MPPED2: variants seen among roughly 807,000 people sequenced by gnomAD.
The protein encoded by MPPED2 is metallophosphoesterase domain containing 2.
MPPED2 carries 5 observed loss-of-function variants against 33.0 expected under a neutral mutation model. That is an observed-to-expected ratio of 0.15 (90% CI 0.08 to 0.32). The LOEUF (loss-of-function observed/expected upper bound fraction) is 0.32, where lower values mean the gene tolerates loss of function less well. Among genes scored for constraint, MPPED2 ranks in the 10% least tolerant of loss-of-function variants. The pLI is 1.00. For synonymous variants in MPPED2, 136 were observed against 141.9 expected (o/e 0.96, Z 0.29); for missense variants, 275 against 372.1 (o/e 0.74, Z 2.15).
At chr11:30,515,938 T>C (rs1276709585) in intron 3 of MPPED2, among the ~76,000 whole-genome samples, 1 of 152,180 alleles carries the variant, frequency 6.6e-6, no homozygotes, top group Non-Finnish European at 1.5e-5. Context: ...AGGCATACAT[T>C]TCCACCACAG....
intron 1 of MPPED2, among the ~76,000 whole-genome samples, chr11:30,581,318 T>A (rs567700423): frequency 7.9e-5 from 12 of 152,372 alleles, no homozygotes; most frequent in African/African-American, 2.6e-4. Context: ...TTTCATTTTT[T>A]AAAATTTCCA....
chr11:30,581,839 T>C (rs151234814), intron 1 of MPPED2, among the ~76,000 whole-genome samples: 1 of 152,180 alleles, frequency 6.6e-6, no homozygotes, highest in African/African-American at 2.4e-5. Flanking sequence ...GCCTTCCTAA[T>C]GTCAAGTGCA....
At chr11:30,575,809 T>C (rs1173555515) in intron 2 of MPPED2, among the ~76,000 whole-genome samples, 1 of 152,048 alleles carries the variant, frequency 6.6e-6, no homozygotes, top group Non-Finnish European at 1.5e-5. Flanking sequence ...TAACTGGAGG[T>C]GGATGAGACA....
intron 2 of MPPED2, among the ~76,000 whole-genome samples, chr11:30,556,978 T>TA (rs533495777): frequency 1.3e-4 from 19 of 150,852 alleles, no homozygotes; most frequent in Admixed American, 2.6e-4. Context: ...ATCATCAGAA[T>TA]AAAAAAAAAT....
intron 3 of MPPED2, among the ~76,000 whole-genome samples, chr11:30,526,365 G>A (rs943011041): frequency 2.0e-5 from 3 of 152,026 alleles, no homozygotes; most frequent in African/African-American, 7.2e-5. Context: ...GACCCTAAGT[G>A]GATTTCTTGA....
intron 3 of MPPED2, among the ~76,000 whole-genome samples, chr11:30,498,305 C>G (rs971460875): frequency 1.3e-5 from 2 of 152,044 alleles, no homozygotes; most frequent in African/African-American, 2.4e-5. Flanking sequence ...ACTCTACCAG[C>G]CGGGCACGGT....
Position 30,404,446 on chromosome 11 carries a change from G to A in MPPED2, c.766+9782C>T, listed in dbSNP as rs113890808. On this transcript the variant is annotated intron_variant, in intron 6 of 6. Transcript: ENST00000448418. ...GTAAATTAAAAAACAAACCAGCTAC[G>A]TGACACACTTGGAATTGCCACTGGC... Among the ~76,000 whole-genome samples the A allele has an allele frequency of 8.8e-3, 1,346 of 152,266 alleles. 25 individuals carry two copies. The highest frequency in any genetic ancestry group is 0.029 in the African/African-American group (1,194 of 41,552).
At chr11:30,497,402 C>T (rs1231174778) in intron 3 of MPPED2, among the ~76,000 whole-genome samples, 2 of 152,120 alleles carry the variant, frequency 1.3e-5, no homozygotes, top group Non-Finnish European at 2.9e-5. Flanking sequence ...CTCCCAAAGC[C>T]GGAACAGGCT....
At chr11:30,495,004 A>G (rs903624208) in intron 4 of MPPED2, 2 of 340,486 alleles carry the variant, frequency 5.9e-6, no homozygotes, top group Non-Finnish European at 1.1e-5. Context: ...GCATGATGGA[A>G]TTTTATCAGT....
At chr11:30,410,114 C>T, downstream of MPPED2, 1 of 985,222 alleles carries the variant, frequency 1.0e-6, no homozygotes, top group Non-Finnish European at 1.2e-6. Flanking sequence ...AAAAAAATCA[C>T]TTATTCTAAT....
At chr11:30,583,730 C>T (rs1293489491) in intron 1 of MPPED2, among the ~76,000 whole-genome samples, 1 of 152,056 alleles carries the variant, frequency 6.6e-6, no homozygotes, top group African/African-American at 2.4e-5. Flanking sequence ...TCCAATTTAC[C>T]AAAACTTTCA....
downstream of MPPED2, among the ~76,000 whole-genome samples, chr11:30,409,208 C>T (rs541286906): frequency 1.1e-3 from 171 of 152,272 alleles, no homozygotes; most frequent in African/African-American, 4.0e-3. Context: ...GAGTCTCTGG[C>T]TTCTAGTACA....
At chr11:30,577,895 T>C (rs571371297) in intron 2 of MPPED2, among the ~76,000 whole-genome samples, 12 of 152,340 alleles carry the variant, frequency 7.9e-5, no homozygotes, top group South Asian at 2.1e-4. Flanking sequence ...ATGGATCAAT[T>C]GACCAGTGTT....
At position 30,464,268 on chromosome 11, in the gene MPPED2, A is replaced by AACACACACACACAC. The variant is rs10660237; in HGVS notation, c.536+31014_536+31027dup. ...TTTTATTCTACCATGAAAGGATACTAACACACACACACACACACACACACA... is the reference window on the plus strand; with the variant it reads ...TTTTATTCTACCATGAAAGGATACTAACACACACACACACACACACACACACACACACACACACA... On this transcript the variant is annotated intron_variant, in intron 4 of 6. Transcript: ENST00000358117. Among the ~76,000 whole-genome samples, 1,403 of 145,986 alleles carry AACACACACACACAC rather than the reference A, an allele frequency of 9.6e-3. 29 individuals are homozygous for AACACACACACACAC. Among genetic ancestry groups the AACACACACACACAC allele is most frequent in the African/African-American group, 0.033 (1,315 of 39,596 alleles).
At chr11:30,570,340 A>T (rs940677549) in intron 2 of MPPED2, among the ~76,000 whole-genome samples, 5 of 151,872 alleles carry the variant, frequency 3.3e-5, no homozygotes, top group Non-Finnish European at 5.9e-5. Context: ...GAAAGTCCCC[A>T]CCTCCTAATA....
chr11:30,539,610 T>C (rs1038651449), intron 2 of MPPED2, among the ~76,000 whole-genome samples: 1 of 152,116 alleles, frequency 6.6e-6, no homozygotes, highest in Non-Finnish European at 1.5e-5. Context: ...GGTTTGTTGG[T>C]TGTTTTTTCT....
chr11:30,428,804 C>A (rs538948182), intron 4 of MPPED2, among the ~76,000 whole-genome samples: 1 of 152,082 alleles, frequency 6.6e-6, no homozygotes, highest in African/African-American at 2.4e-5. Flanking sequence ...TAGCAGACAG[C>A]CTGCCTATAT....
At chr11:30,525,839 T>C (rs1029962864) in intron 3 of MPPED2, among the ~76,000 whole-genome samples, 4 of 152,222 alleles carry the variant, frequency 2.6e-5, no homozygotes, top group African/African-American at 7.2e-5. Context: ...TAATAATTTA[T>C]GTAATTTAAG....
chr11:30,579,524 T>G (rs1957073649), intron 2 of MPPED2, among the ~76,000 whole-genome samples: 1 of 152,170 alleles, frequency 6.6e-6, no homozygotes, highest in Non-Finnish European at 1.5e-5. Flanking sequence ...AGAAAAAAGT[T>G]GATGTGCAAC....
Sources: gnomAD v4.1 joint callset for allele counts (sites outside exome capture counted in the v4.1 genomes callset) on GRCh38, gnomAD v4.1.1 for gene constraint, MANE v1.5 for transcripts, NCBI Gene and HGNC (gene_info 2026-07-23, HGNC 2026-07-21) for gene names.